ATP10B: variants seen among roughly 807,000 people sequenced by gnomAD.
The protein encoded by ATP10B is ATPase phospholipid transporting 10B (putative), also known as phospholipid-transporting ATPase VB.
A neutral mutation model predicts 141.2 loss-of-function variants in ATP10B; 122 were observed. That is an observed-to-expected ratio of 0.86 (90% CI 0.75 to 1.00). The LOEUF (loss-of-function observed/expected upper bound fraction) is 1.00, where lower values mean the gene tolerates loss of function less well. Among genes scored for constraint, ATP10B ranks in the 50% least tolerant of loss-of-function variants. The pLI is 0.00. For synonymous variants in ATP10B, 685 were observed against 692.0 expected (o/e 0.99, Z 0.16); for missense variants, 1,876 against 1,825.3 (o/e 1.03, Z -0.51).
chr5:160,663,649 A>G (rs1227791016), intron 7 of ATP10B, among the ~76,000 whole-genome samples: 2 of 121,976 alleles, frequency 1.6e-5, no homozygotes, highest in Admixed American at 1.7e-4. Flanking sequence ...TGGGGTGGGG[A>G]GAGCGGGGAG....
intron 2 of ATP10B, among the ~76,000 whole-genome samples, chr5:160,747,675 C>G (rs1337633781): frequency 2.6e-5 from 4 of 152,088 alleles, no homozygotes; most frequent in Non-Finnish European, 5.9e-5. Context: ...GGGGCATGGT[C>G]CTGCCAACAC....
intron 2 of ATP10B, among the ~76,000 whole-genome samples, chr5:160,774,456 G>C (rs959219501): frequency 6.6e-6 from 1 of 152,276 alleles, no homozygotes; most frequent in Middle Eastern, 3.4e-3. Context: ...CGGGTAAAAT[G>C]AGTTAAAAAC....
intron 1 of ATP10B, among the ~76,000 whole-genome samples, chr5:160,806,207 G>T (rs1772762191): frequency 6.6e-6 from 1 of 152,162 alleles, no homozygotes; most frequent in Non-Finnish European, 1.5e-5. Context: ...TGTTTAACCG[G>T]ATACCTGGGC....
intron 3 of ATP10B, among the ~76,000 whole-genome samples, chr5:160,715,251 G>T (rs1561781773): frequency 8.0e-6 from 1 of 125,176 alleles, no homozygotes; most frequent in Non-Finnish European, 1.7e-5. Context: ...AGACTGCTGT[G>T]CTAGCAATCA....
chr5:160,594,218 A>T (rs1338518509), intron 22 of ATP10B, among the ~76,000 whole-genome samples: 1 of 152,228 alleles, frequency 6.6e-6, no homozygotes, highest in Non-Finnish European at 1.5e-5. Flanking sequence ...GCCAGAAGAG[A>T]GTGGGGGCCA....
At chr5:160,665,945 A>G (rs1762293859) in intron 7 of ATP10B, among the ~76,000 whole-genome samples, 1 of 152,174 alleles carries the variant, frequency 6.6e-6, no homozygotes, top group Admixed American at 6.5e-5. Flanking sequence ...CAAACAAACC[A>G]TATTTGTAGG....
chr5:160,574,014 C>G (rs1039869243), intron 24 of ATP10B, among the ~76,000 whole-genome samples: 1 of 152,198 alleles, frequency 6.6e-6, no homozygotes, highest in Admixed American at 6.5e-5. Context: ...TTACATTCCT[C>G]TAGCTGTTTT....
At chr5:160,632,505 C>T in intron 12 of ATP10B, 138 bp from the exon 13 acceptor site, 1 of 732,512 alleles carries the variant, frequency 1.4e-6, no homozygotes, top group Admixed American at 2.4e-5. Context: ...TCTGGGCTAC[C>T]AAGACTGGAG....
chr5:160,706,372 G>A (rs1024184791), intron 3 of ATP10B, among the ~76,000 whole-genome samples: 4 of 152,304 alleles, frequency 2.6e-5, no homozygotes, highest in South Asian at 2.1e-4. Flanking sequence ...GCAATGAAAC[G>A]AGGTTTGCCT....
At chr5:160,748,054 G>A (rs973142992) in intron 2 of ATP10B, among the ~76,000 whole-genome samples, 3 of 150,894 alleles carry the variant, frequency 2.0e-5, no homozygotes, top group South Asian at 2.1e-4. Flanking sequence ...GAGGGGTTTC[G>A]CTATTTGCAG....
chr5:160,747,308 C>T (rs1432791), intron 2 of ATP10B, among the ~76,000 whole-genome samples: 64,931 of 152,000 alleles, frequency 0.43, 14,294 homozygotes, highest in East Asian at 0.59. Flanking sequence ...CTTCCCAGGG[C>T]CTTCTACAGT....
chr5:160,843,115 A>G lies in ATP10B; in HGVS notation c.-576+8826T>C, dbSNP rs561362310. Among the ~76,000 whole-genome samples the G allele has an allele frequency of 4.6e-5, 7 of 152,284 alleles. No homozygotes were observed. In the South Asian group the frequency reaches 1.0e-3, roughly 23 times the overall value. ...TTGATAGAAAGGCTAATACATAATG[A>G]CCAGGTGGCATACATTCCAGGAATG... On this transcript the variant is annotated intron_variant, in intron 1 of 25. Transcript: ENST00000327245.
chr5:160,757,799 C>T (rs890083033), intron 2 of ATP10B, among the ~76,000 whole-genome samples: 1 of 152,168 alleles, frequency 6.6e-6, no homozygotes, highest in African/African-American at 2.4e-5. Context: ...GGCTGCAGAA[C>T]AGGATTTCCC....
intron 7 of ATP10B, among the ~76,000 whole-genome samples, chr5:160,659,977 T>C (rs1581294215): frequency 6.6e-6 from 1 of 152,196 alleles, no homozygotes; most frequent in African/African-American, 2.4e-5. Flanking sequence ...TATTTTCTCA[T>C]CTCTAATATG....
Position 160,783,104 on chromosome 5 carries a change from T to A in ATP10B, c.-331+2455A>T, listed in dbSNP as rs143284878. ...GTTCTTTAGTGGTGATTTGTGAGAT[T>A]TTGGTGCACCCATCACCCAAGCAGT... is the stretch of plus-strand genomic sequence containing the variant. On this transcript the variant is annotated intron_variant, in intron 2 of 25. Coordinates refer to ENST00000327245, the MANE Select transcript of ATP10B (RefSeq NM_025153.3). Among the ~76,000 whole-genome samples, 106 of 152,076 alleles carry A rather than the reference T, an allele frequency of 7.0e-4. 2 individuals are homozygous for A. In the East Asian group the frequency reaches 0.019, roughly 28 times the overall value.
At chr5:160,725,288 C>CAACCA (rs1316827898) in intron 2 of ATP10B, among the ~76,000 whole-genome samples, 29 of 152,160 alleles carry the variant, frequency 1.9e-4, no homozygotes, top group African/African-American at 6.8e-4. Flanking sequence ...TGAGTTCACT[C>CAACCA]AAGTTCTGTC....
the ATP10B span, among the ~76,000 whole-genome samples, chr5:160,910,605 A>G: frequency 6.6e-6 from 1 of 152,244 alleles, no homozygotes; most frequent in Non-Finnish European, 1.5e-5. Context: ...CCTGTAAGTT[A>G]AGCAAAAATT....
At chr5:160,619,872 A>G (rs1289966802) in intron 15 of ATP10B, among the ~76,000 whole-genome samples, 1 of 152,188 alleles carries the variant, frequency 6.6e-6, no homozygotes, top group Non-Finnish European at 1.5e-5. Context: ...GCAGCATGAA[A>G]CAAGCTCTGA....
intron 2 of ATP10B, among the ~76,000 whole-genome samples, chr5:160,746,757 G>A (rs1008184309): frequency 2.6e-5 from 4 of 152,112 alleles, no homozygotes; most frequent in Non-Finnish European, 4.4e-5. Context: ...GTGTGGGCCT[G>A]GCATCCTATA....
Sources: allele counts gnomAD v4.1 joint callset (sites outside exome capture counted in the v4.1 genomes callset), GRCh38; gene constraint gnomAD v4.1.1; transcripts MANE v1.5; gene names NCBI Gene and HGNC (gene_info 2026-07-23, HGNC 2026-07-21).